SLC4A10: variants seen among roughly 807,000 people sequenced by gnomAD.
SLC4A10 encodes solute carrier family 4 member 10.
SLC4A10 carries 42 observed loss-of-function variants against 137.7 expected under a neutral mutation model. That is an observed-to-expected ratio of 0.30 (90% confidence interval 0.24 to 0.39). SLC4A10 has a LOEUF of 0.39. SLC4A10 is among the 10% of genes least tolerant of loss of function. The pLI, the probability that SLC4A10 is intolerant of heterozygous loss-of-function variation, is 1.00. For missense variants in SLC4A10, 925 were observed against 1,355.0 expected, an observed-to-expected ratio of 0.68 and a Z score of 4.98; for synonymous variants, 474 against 464.1, an observed-to-expected ratio of 1.02 and a Z score of -0.27.
intron 21 of SLC4A10, among the ~76,000 whole-genome samples, chr2:161,959,608 A>AAG (rs992972741): frequency 4.0e-5 from 6 of 151,840 alleles, no homozygotes; most frequent in Non-Finnish European, 7.4e-5. Context: ...AGCAATATAA[A>AAG]AGAGAGAGAG....
At chr2:161,659,525 T>A (rs1335477165) in intron 1 of SLC4A10, among the ~76,000 whole-genome samples, 1 of 152,150 alleles carries the variant, frequency 6.6e-6, no homozygotes, top group Non-Finnish European at 1.5e-5. Context: ...GATGAGAAAT[T>A]ACTTTATGGG....
intron 3 of SLC4A10, among the ~76,000 whole-genome samples, chr2:161,808,669 T>G (rs1222050871): frequency 4.6e-5 from 7 of 152,208 alleles, no homozygotes; most frequent in South Asian, 2.1e-4. Flanking sequence ...CATGCAGTAT[T>G]TGGTTTTCTG....
At chr2:161,708,592 T>G in intron 1 of SLC4A10, 1 of 1,246,596 alleles carries the variant, frequency 8.0e-7, no homozygotes, top group Middle Eastern at 2.0e-4. Context: ...TGTTTGTAAC[T>G]GCACAGGGGA....
chr2:161,768,998 C>A (rs188661545), intron 1 of SLC4A10, among the ~76,000 whole-genome samples: 1 of 151,934 alleles, frequency 6.6e-6, no homozygotes, highest in Non-Finnish European at 1.5e-5. Flanking sequence ...CTGGTATGGG[C>A]GAGCAGGCCT....
chr2:161,879,390 AC>A (rs1225537626), intron 9 of SLC4A10, 102 bp downstream of exon 9: 2 of 1,245,978 alleles, frequency 1.6e-6, no homozygotes, highest in Non-Finnish European at 2.2e-6. Flanking sequence ...TTGACTAGAA[AC>A]TAATGTGAAA....
chr2:161,682,790 T>A (rs906269710), intron 1 of SLC4A10, among the ~76,000 whole-genome samples: 42 of 152,206 alleles, frequency 2.8e-4, no homozygotes, highest in African/African-American at 9.2e-4. Context: ...CTGCCTGGTC[T>A]CTCCACATGG....
intron 1 of SLC4A10, among the ~76,000 whole-genome samples, chr2:161,642,957 A>T (rs1425246235): frequency 6.6e-6 from 1 of 152,016 alleles, no homozygotes; most frequent in Non-Finnish European, 1.5e-5. Flanking sequence ...TTAGAATATT[A>T]ATGCTTTTGA....
At chr2:161,880,234 C>A (rs920070527) in intron 9 of SLC4A10, among the ~76,000 whole-genome samples, 1 of 152,098 alleles carries the variant, frequency 6.6e-6, no homozygotes. Context: ...GCTGTTAGTG[C>A]GCCTCCTCTT....
At chr2:161,728,697 A>G (rs925714382) in intron 1 of SLC4A10, among the ~76,000 whole-genome samples, 1 of 152,234 alleles carries the variant, frequency 6.6e-6, no homozygotes, top group Non-Finnish European at 1.5e-5. Flanking sequence ...GACACTTCCC[A>G]AATCATTTTA....
At chr2:161,971,967 T>C (rs1266269582) in intron 23 of SLC4A10, among the ~76,000 whole-genome samples, 1 of 152,202 alleles carries the variant, frequency 6.6e-6, no homozygotes, top group Non-Finnish European at 1.5e-5. Flanking sequence ...ACAAAATTTT[T>C]CCCAAGCTTT....
intron 10 of SLC4A10, 149 bp downstream of exon 10, chr2:161,882,593 G>C (rs887530678): frequency 4.3e-6 from 2 of 470,564 alleles, no homozygotes; most frequent in Non-Finnish European, 7.5e-6. Flanking sequence ...ATCTCCTTTA[G>C]AAAAATGTTT....
At chr2:161,872,538 A>G (rs2061194735) in intron 7 of SLC4A10, among the ~76,000 whole-genome samples, 154 bp downstream of exon 7, 1 of 136,712 alleles carries the variant, frequency 7.3e-6, no homozygotes, top group Non-Finnish European at 1.5e-5. Flanking sequence ...TTAAGTCCAC[A>G]TGTAACATTT....
intron 15 of SLC4A10, among the ~76,000 whole-genome samples, chr2:161,908,849 T>G (rs1267052674): frequency 6.6e-6 from 1 of 151,614 alleles, no homozygotes; most frequent in African/African-American, 2.4e-5. Context: ...AAGGCAGCAA[T>G]GATGAAAAGA....
At chr2:161,738,003 G>A (rs536205614) in intron 1 of SLC4A10, among the ~76,000 whole-genome samples, 10 of 152,108 alleles carry the variant, frequency 6.6e-5, no homozygotes. Flanking sequence ...CTGGATCCAG[G>A]TCAGTTAGTT....
intron 4 of SLC4A10, among the ~76,000 whole-genome samples, chr2:161,850,144 C>T (rs1007850495): frequency 3.9e-5 from 6 of 152,056 alleles, no homozygotes; most frequent in South Asian, 2.1e-4. Flanking sequence ...AATTCCAGCA[C>T]TTTGGGAGGT....
At chr2:161,846,835 G>A (rs941449071) in intron 4 of SLC4A10, among the ~76,000 whole-genome samples, 6 of 152,128 alleles carry the variant, frequency 3.9e-5, no homozygotes, top group African/African-American at 7.2e-5. Context: ...AGTGAGGATT[G>A]AGAATATAAA....
At chr2:161,933,352 TTCTCTTTCTC>T (rs1009397339) in intron 15 of SLC4A10, among the ~76,000 whole-genome samples, 3 of 151,140 alleles carry the variant, frequency 2.0e-5, no homozygotes, top group Non-Finnish European at 2.9e-5. Context: ...ATTCTTTTCT[TTCTCTTTCTC>T]TCTCTTTCTC....
intron 11 of SLC4A10, among the ~76,000 whole-genome samples, chr2:161,898,257 A>C (rs1040565069): frequency 6.6e-6 from 1 of 152,130 alleles, no homozygotes; most frequent in African/African-American, 2.4e-5. Flanking sequence ...AAATGTTGCC[A>C]TTGTAACTAA....
At chr2:161,653,046 C>T (rs911002701) in intron 1 of SLC4A10, among the ~76,000 whole-genome samples, 7 of 152,094 alleles carry the variant, frequency 4.6e-5, no homozygotes, top group African/African-American at 1.7e-4. Flanking sequence ...GTTCCCCTCC[C>T]TGCATCCATG....
Sources: allele counts gnomAD v4.1 joint callset (sites outside exome capture counted in the v4.1 genomes callset), GRCh38; gene constraint gnomAD v4.1.1; transcripts MANE v1.5; gene names NCBI Gene and HGNC (gene_info 2026-07-23, HGNC 2026-07-21).